The following PLEKHA7 variants were observed in gnomAD, a reference collection of about 807,000 sequenced individuals.
The protein encoded by PLEKHA7 is pleckstrin homology domain containing A7, also known as pleckstrin homology domain-containing family A member 7.
PLEKHA7 carries 104 observed loss-of-function variants against 170.0 expected under a neutral mutation model. The ratio of observed to expected loss-of-function variants is 0.61; its 90% CI spans 0.52 to 0.72. PLEKHA7 has a LOEUF of 0.72. Ranked by LOEUF, PLEKHA7 falls within the 30% of genes least tolerant of loss-of-function variation. PLEKHA7 has a pLI of 0.00. For synonymous variants in PLEKHA7, 648 were observed against 660.8 expected, an observed-to-expected ratio of 0.98 and a Z score of 0.30; for missense variants, 1,615 against 1,671.7, an observed-to-expected ratio of 0.97 and a Z score of 0.59.
intron 25 of PLEKHA7, 43 bp downstream of exon 25, chr11:16,783,657 G>A (rs928383180): frequency 7.4e-7 from 1 of 1,357,218 alleles, no homozygotes; most frequent in Non-Finnish European, 9.5e-7. Context: ...ACGCCACCTG[G>A]GGTCAGGGTG....
intron 9 of PLEKHA7, among the ~76,000 whole-genome samples, chr11:16,829,397 T>C (rs1033561329): frequency 1.3e-5 from 2 of 152,196 alleles, no homozygotes; most frequent in Non-Finnish European, 2.9e-5. Flanking sequence ...CATTTCACAA[T>C]GACATATTGA....
At chr11:16,949,952 T>C (rs572216795) in intron 3 of PLEKHA7, among the ~76,000 whole-genome samples, 1 of 151,016 alleles carries the variant, frequency 6.6e-6, no homozygotes, top group Non-Finnish European at 1.5e-5. Flanking sequence ...ACAAGGGGCA[T>C]GGGAATTAGG....
chr11:16,913,559 G>A (rs572054815), intron 3 of PLEKHA7, among the ~76,000 whole-genome samples: 201 of 152,334 alleles, frequency 1.3e-3, no homozygotes, highest in Non-Finnish European at 8.7e-4. Context: ...GCGCAGCTTT[G>A]CTCTGTTCCA....
intron 3 of PLEKHA7, among the ~76,000 whole-genome samples, chr11:16,933,223 A>G (rs1466893870): frequency 6.6e-6 from 1 of 152,248 alleles, no homozygotes; most frequent in Non-Finnish European, 1.5e-5. Flanking sequence ...TTATAGTCCC[A>G]GTTTTACAGA....
intron 4 of PLEKHA7, among the ~76,000 whole-genome samples, chr11:16,859,665 A>G (rs1208680384): frequency 6.6e-6 from 1 of 152,212 alleles, no homozygotes; most frequent in Non-Finnish European, 1.5e-5. Flanking sequence ...TGGGGCAGAC[A>G]ATGATTTGTC....
chr11:16,802,617 G>A (rs545992301), intron 15 of PLEKHA7, among the ~76,000 whole-genome samples: 295 of 151,862 alleles, frequency 1.9e-3, no homozygotes, highest in African/African-American at 6.4e-3. Context: ...GCGTGATCTC[G>A]GCTCACTGCA....
intron 16 of PLEKHA7, 141 bp downstream of exon 16, chr11:16,801,527 G>A (rs1848595845): frequency 3.9e-6 from 4 of 1,031,196 alleles, no homozygotes; most frequent in Non-Finnish European, 5.6e-6. Context: ...ACTGTCAGGT[G>A]GCAGTTCTGC....
At chr11:16,990,104 T>G (rs1204108476) in intron 3 of PLEKHA7, among the ~76,000 whole-genome samples, 1 of 148,158 alleles carries the variant, frequency 6.7e-6, no homozygotes, top group Non-Finnish European at 1.5e-5. Flanking sequence ...TGGAGGAGAG[T>G]TGATGCCAGG....
intron 8 of PLEKHA7, 64 bp downstream of exon 8, chr11:16,851,127 G>T: frequency 7.6e-7 from 1 of 1,318,392 alleles, no homozygotes; most frequent in South Asian, 1.6e-5. Context: ...CTGCTTTTAT[G>T]AAGACATTTT....
intron 6 of PLEKHA7, among the ~76,000 whole-genome samples, chr11:16,853,507 C>T (rs1853160766): frequency 6.6e-6 from 1 of 152,194 alleles, no homozygotes; most frequent in South Asian, 2.1e-4. Flanking sequence ...TCTGGACACC[C>T]CCCAGTATAG....
At chr11:16,858,257 T>C (rs1342131956) in intron 4 of PLEKHA7, among the ~76,000 whole-genome samples, 1 of 152,160 alleles carries the variant, frequency 6.6e-6, no homozygotes, top group Non-Finnish European at 1.5e-5. Context: ...ATGATCAAAA[T>C]TATATATGTG....
intron 3 of PLEKHA7, among the ~76,000 whole-genome samples, chr11:16,929,686 G>T (rs1330125725): frequency 2.0e-5 from 3 of 152,244 alleles, no homozygotes; most frequent in African/African-American, 7.2e-5. Flanking sequence ...CACCACCTCA[G>T]TGTAGGGGAT....
At chr11:16,875,165 T>C (rs539127994) in intron 3 of PLEKHA7, among the ~76,000 whole-genome samples, 16 of 152,364 alleles carry the variant, frequency 1.1e-4, no homozygotes, top group Non-Finnish European at 1.9e-4. Flanking sequence ...AGTCACAGCA[T>C]CATCACCACC....
intron 3 of PLEKHA7, among the ~76,000 whole-genome samples, chr11:16,893,744 C>T (rs11824348): frequency 0.037 from 5,573 of 152,290 alleles, 181 homozygotes; most frequent in African/African-American, 0.078. Flanking sequence ...ACTCTTACTC[C>T]GTAAACCAGG....
At chr11:16,801,918 C>T (rs1310309167) in intron 15 of PLEKHA7, 101 bp from the exon 16 acceptor site, 21 of 1,448,780 alleles carry the variant, frequency 1.4e-5, no homozygotes, top group East Asian at 1.4e-4. Context: ...TAACCAAGGC[C>T]GAAGGGATCA....
intron 3 of PLEKHA7, among the ~76,000 whole-genome samples, chr11:16,949,716 A>C (rs1861281997): frequency 6.6e-6 from 1 of 152,208 alleles, no homozygotes; most frequent in Admixed American, 6.5e-5. Flanking sequence ...CTGAGAGTCT[A>C]TCTAGCACAG....
At chr11:16,851,364 G>T in intron 7 of PLEKHA7, 73 bp from the exon 8 acceptor site, 1 of 1,129,276 alleles carries the variant, frequency 8.9e-7, no homozygotes, top group Non-Finnish European at 1.3e-6. Flanking sequence ...ACTGCTTCCA[G>T]AACTTCAGCC....
intron 6 of PLEKHA7, among the ~76,000 whole-genome samples, chr11:16,854,425 A>T (rs1344930096): frequency 6.6e-6 from 1 of 152,224 alleles, no homozygotes; most frequent in East Asian, 1.9e-4. Flanking sequence ...ATGGCAGGCC[A>T]AGGTGGTGAG....
chr11:16,783,504 T>C (rs757440), intron 25 of PLEKHA7, among the ~76,000 whole-genome samples, 196 bp downstream of exon 25: 13,658 of 152,310 alleles, frequency 0.09, 691 homozygotes, highest in African/African-American at 0.11. Context: ...TTGCAGGTCT[T>C]TCCAGATGAC....
Sources: gnomAD v4.1 joint callset for allele counts (sites outside exome capture counted in the v4.1 genomes callset) on GRCh38, gnomAD v4.1.1 for gene constraint, MANE v1.5 for transcripts, NCBI Gene and HGNC (gene_info 2026-07-23, HGNC 2026-07-21) for gene names.